Variants in DAB1 observed in about 807,000 individuals in gnomAD.
DAB1 encodes the protein disabled homolog 1.
A neutral mutation model predicts 64.6 loss-of-function variants in DAB1; 15 were observed. The ratio of observed to expected loss-of-function variants is 0.23; its 90% CI spans 0.16 to 0.36. The LOEUF (loss-of-function observed/expected upper bound fraction) is 0.36, where lower values mean the gene tolerates loss of function less well. DAB1 is among the 10% of genes least tolerant of loss of function. The probability of loss-of-function intolerance (pLI) is 1.00; values close to 1 mark genes in which losing one functional copy is unlikely to be tolerated. For missense variants in DAB1, 596 were observed against 706.7 expected (o/e 0.84, Z 1.78); for synonymous variants, 235 against 251.9 (o/e 0.93, Z 0.64).
At chr1:58,281,143 T>C (rs142146658) in intron 4 of DAB1, among the ~76,000 whole-genome samples, 57 of 152,316 alleles carry the variant, frequency 3.7e-4, no homozygotes, top group African/African-American at 1.1e-3. Flanking sequence ...ACAAGTAGGA[T>C]GGGACATCAT....
At chr1:57,462,317 C>A (rs577074358) in intron 7 of DAB1, among the ~76,000 whole-genome samples, 2 of 152,096 alleles carry the variant, frequency 1.3e-5, no homozygotes, top group Non-Finnish European at 1.5e-5. Context: ...CTATTTTTGG[C>A]TGTGTGAGTT....
chr1:58,031,623 C>G (rs1241658156), intron 5 of DAB1, among the ~76,000 whole-genome samples: 2 of 152,162 alleles, frequency 1.3e-5, no homozygotes, highest in African/African-American at 4.8e-5. Context: ...TGGGCTCAGC[C>G]ACCAGCCCCT....
chr1:57,840,154 G>T (rs1249610052), intron 1 of DAB1, among the ~76,000 whole-genome samples: 1 of 152,190 alleles, frequency 6.6e-6, no homozygotes, highest in Non-Finnish European at 1.5e-5. Flanking sequence ...TAGTCAACAG[G>T]ATGCATTTTG....
intron 2 of DAB1, among the ~76,000 whole-genome samples, chr1:57,222,483 A>G (rs1339018568): frequency 6.6e-6 from 1 of 152,128 alleles, no homozygotes; most frequent in African/African-American, 2.4e-5. Context: ...GCTGGGGTGG[A>G]AGGAGCTTTG....
chr1:57,977,581 A>G (rs552389618), intron 5 of DAB1, among the ~76,000 whole-genome samples: 1 of 152,336 alleles, frequency 6.6e-6, no homozygotes, highest in African/African-American at 2.4e-5. Flanking sequence ...AATTTGGCAC[A>G]TAGTGAACAC....
intron 4 of DAB1, among the ~76,000 whole-genome samples, chr1:58,169,814 C>T (rs1045851487): frequency 1.3e-5 from 2 of 152,114 alleles, no homozygotes; most frequent in African/African-American, 4.8e-5. Context: ...CCACAAAAAC[C>T]CCCAGGCTAT....
chr1:57,031,083 T>C (rs562379078), intron 9 of DAB1, among the ~76,000 whole-genome samples: 14 of 152,364 alleles, frequency 9.2e-5, no homozygotes, highest in Admixed American at 2.6e-4. Flanking sequence ...ACTTGAGATA[T>C]AGACTTTCCT....
At chr1:58,037,950 G>A (rs1020866646) in intron 5 of DAB1, among the ~76,000 whole-genome samples, 6 of 152,082 alleles carry the variant, frequency 3.9e-5, no homozygotes, top group Non-Finnish European at 8.8e-5. Flanking sequence ...GAGAGAGGCA[G>A]CCCTGTTGAT....
chr1:57,929,451 C>T (rs12049004), intron 5 of DAB1, among the ~76,000 whole-genome samples: 2,965 of 152,306 alleles, frequency 0.019, 66 homozygotes, highest in East Asian at 0.081. Context: ...TTAGTAAAGT[C>T]TAACTAATGA....
At chr1:58,397,182 C>T (rs1278656756) in intron 3 of DAB1, among the ~76,000 whole-genome samples, 1 of 152,146 alleles carries the variant, frequency 6.6e-6, no homozygotes, top group Non-Finnish European at 1.5e-5. Flanking sequence ...CCCACAACTC[C>T]TTTGTCCCTC....
At chr1:57,270,204 G>A (rs1384754994) in intron 2 of DAB1, among the ~76,000 whole-genome samples, 1 of 152,190 alleles carries the variant, frequency 6.6e-6, no homozygotes, top group Non-Finnish European at 1.5e-5. Flanking sequence ...TCTACTAATA[G>A]TGATGGCATC....
downstream of DAB1, among the ~76,000 whole-genome samples, chr1:57,822,983 A>T (rs1309912775): frequency 7.6e-6 from 1 of 131,282 alleles, no homozygotes. Context: ...TAATTTAGGA[A>T]TTTTTTTTTT....
At chr1:58,195,138 G>C (rs1003746195) in intron 4 of DAB1, among the ~76,000 whole-genome samples, 1 of 82,208 alleles carries the variant, frequency 1.2e-5, no homozygotes, top group Non-Finnish European at 2.4e-5. Context: ...GAGAGAGAGA[G>C]AGAGACAGAG....
At chr1:58,204,192 G>C (rs1658139764) in intron 4 of DAB1, among the ~76,000 whole-genome samples, 1 of 152,174 alleles carries the variant, frequency 6.6e-6, no homozygotes, top group African/African-American at 2.4e-5. Context: ...TGAGAGAAAA[G>C]TTTGAAAGAA....
intron 7 of DAB1, among the ~76,000 whole-genome samples, chr1:57,531,558 CA>C (rs1350053008): frequency 6.6e-6 from 1 of 151,980 alleles, no homozygotes; most frequent in South Asian, 2.1e-4. Flanking sequence ...ATCAGAAACA[CA>C]AGAGGGATGA....
intron 3 of DAB1, among the ~76,000 whole-genome samples, chr1:58,443,858 A>G (rs1289842049): frequency 6.6e-6 from 1 of 152,236 alleles, no homozygotes; most frequent in African/African-American, 2.4e-5. Context: ...TTGTTGCTAA[A>G]TAATAGTTCA....
At chr1:57,685,952 G>C (rs1646692268) in intron 6 of DAB1, among the ~76,000 whole-genome samples, 1 of 151,990 alleles carries the variant, frequency 6.6e-6, no homozygotes, top group African/African-American at 2.4e-5. Flanking sequence ...CCTTCATCAA[G>C]AAGTTAGAAA....
intron 2 of DAB1, among the ~76,000 whole-genome samples, chr1:57,183,647 C>G (rs1322698550): frequency 6.6e-6 from 1 of 152,100 alleles, no homozygotes; most frequent in Non-Finnish European, 1.5e-5. Context: ...TATGGTTGTT[C>G]CTAATAACTT....
intron 5 of DAB1, chr1:58,056,268 T>C (rs1026619883): frequency 2.3e-6 from 3 of 1,322,994 alleles, no homozygotes; most frequent in Non-Finnish European, 3.2e-6. Context: ...CACAGTAATG[T>C]AGCTTCACAT....
Sources: gnomAD v4.1 joint callset for allele counts (sites outside exome capture counted in the v4.1 genomes callset) on GRCh38, gnomAD v4.1.1 for gene constraint, MANE v1.5 for transcripts, NCBI Gene and HGNC (gene_info 2026-07-23, HGNC 2026-07-21) for gene names.